The following PPP1R13B variants were observed in gnomAD, a reference collection of about 807,000 sequenced individuals.
PPP1R13B encodes protein phosphatase 1 regulatory subunit 13B.
A neutral mutation model predicts 119.8 loss-of-function variants in PPP1R13B; 44 were observed. That is an observed-to-expected ratio of 0.37 (90% CI 0.29 to 0.47). PPP1R13B has a LOEUF of 0.47. Among genes scored for constraint, PPP1R13B ranks in the 20% least tolerant of loss-of-function variants. The pLI, the probability that PPP1R13B is intolerant of heterozygous loss-of-function variation, is 0.99. For missense variants in PPP1R13B, 1,227 were observed against 1,413.5 expected (o/e 0.87, Z 2.12); for synonymous variants, 542 against 561.5 (o/e 0.97, Z 0.49).
intron 1 of PPP1R13B, among the ~76,000 whole-genome samples, chr14:103,846,305 G>A (rs2087030625): frequency 6.6e-6 from 1 of 152,212 alleles, no homozygotes; most frequent in Non-Finnish European, 1.5e-5. Flanking sequence ...CAAAGAGGAA[G>A]AAGGGGGATC....
At chr14:103,799,304 G>A (rs1040032860) in intron 1 of PPP1R13B, among the ~76,000 whole-genome samples, 38 of 152,110 alleles carry the variant, frequency 2.5e-4, no homozygotes, top group African/African-American at 5.8e-4. Flanking sequence ...TCAGCCTCCC[G>A]AGTAGCTGGG....
Position 103,798,201 on chromosome 14 carries a change from G to T in PPP1R13B, c.10-683C>A, listed in dbSNP as rs1204369436. ...GAGTCTTGCTCTGTCGCCCAGGCTGGAGTGCAGTGGCGCGATCTCGGCTCA... is the reference window on the plus strand; with the variant it reads ...GAGTCTTGCTCTGTCGCCCAGGCTGTAGTGCAGTGGCGCGATCTCGGCTCA... On this transcript the variant is annotated intron_variant, in intron 1 of 16. Coordinates refer to ENST00000202556, the MANE Select transcript of PPP1R13B (RefSeq NM_015316.3). 2.7e-5 allele frequency among the ~76,000 whole-genome samples: 4 copies of T among 145,872 alleles called. No individual in the cohort carries two copies. The East Asian group carries it at 8.0e-4, about 29-fold the overall frequency.
chr14:103,818,294 G>A (rs907738674), intron 1 of PPP1R13B, among the ~76,000 whole-genome samples: 10 of 152,128 alleles, frequency 6.6e-5, no homozygotes, highest in African/African-American at 2.2e-4. Flanking sequence ...GATACCAGAA[G>A]AGCCCTTATA....
chr14:103,749,760 T>C, intron 8 of PPP1R13B, 34 bp downstream of exon 8: 2 of 1,599,244 alleles, frequency 1.3e-6, no homozygotes, highest in South Asian at 1.1e-5. Flanking sequence ...AAACTATCTT[T>C]AGTAGTTTAT....
At chr14:103,799,280 G>A (rs372676863) in intron 1 of PPP1R13B, among the ~76,000 whole-genome samples, 9 of 152,122 alleles carry the variant, frequency 5.9e-5, no homozygotes, top group East Asian at 1.9e-4. Flanking sequence ...TTGGGTTCAC[G>A]CCATTCTCCT....
chr14:103,736,520 TAA>T, intron 15 of PPP1R13B: 2 of 410,844 alleles, frequency 4.9e-6, no homozygotes, highest in Admixed American at 7.6e-5. Context: ...AACAGATTTC[TAA>T]AGTCACTAGC....
rs769258558 is a variant in PPP1R13B, at chr14:103,738,953, G to A, written c.2663C>T (p.Pro888Leu). ...AGACGCGTCTAGGAGCAGTGCCAGG[G>A]GGTTAAACCGGACTCTCAGCCCGTG... Reference protein sequence around the residue: ...TGHGLRVRFNPLALLLDASLE... With the variant: ...TGHGLRVRFNLLALLLDASLE... Residue 888 changes from proline (P) to leucine (L), a missense_variant, in exon 13 of 17, where the codon CCC becomes CTC. By Grantham distance (98) the Pro-to-Leu change is moderately conservative (BLOSUM62 -3). Coordinates refer to ENST00000202556, the MANE Select transcript of PPP1R13B (RefSeq NM_015316.3). The surrounding 1 kb of genome is among the most constrained non-coding windows in gnomAD (Gnocchi z 5.6). The A allele has an allele frequency of 6.2e-7, 1 of 1,614,088 alleles. No homozygotes were observed. Among genetic ancestry groups the A allele is most frequent in the Non-Finnish European group, 8.5e-7 (1 of 1,180,020 alleles).
upstream of PPP1R13B, chr14:103,847,672 T>C: frequency 1.0e-6 from 1 of 955,792 alleles, no homozygotes; most frequent in Non-Finnish European, 1.2e-6. Flanking sequence ...ATTGGCCCGG[T>C]GGGAGCGGGG....
chr14:103,830,028 T>C (rs2086633792), intron 1 of PPP1R13B, among the ~76,000 whole-genome samples: 1 of 152,032 alleles, frequency 6.6e-6, no homozygotes, highest in African/African-American at 2.4e-5. Context: ...CCACCCACCT[T>C]GGCCTCCCAA....
intron 2 of PPP1R13B, among the ~76,000 whole-genome samples, chr14:103,796,304 T>G (rs2085756313): frequency 6.6e-6 from 1 of 151,580 alleles, no homozygotes; most frequent in Admixed American, 6.6e-5. Context: ...AATAAATAAA[T>G]AGGCAAAGGA....
rs192940065 is a variant in PPP1R13B, at chr14:103,766,032, G to A, written c.355-8281C>T. On this transcript the variant is annotated intron_variant, in intron 4 of 16. Coordinates refer to ENST00000202556, the MANE Select transcript of PPP1R13B (RefSeq NM_015316.3). ...ATTATTATTATTATTATTTTGAGAC[G>A]GAGTCTAGCTCTGTCGCCCAGGCTT... 6.1e-3 allele frequency among the ~76,000 whole-genome samples: 732 copies of A among 120,344 alleles called. 4 individuals are homozygous for A. The highest frequency in any genetic ancestry group is 0.023 in the African/African-American group (698 of 30,252). 79.0% of individuals were successfully genotyped at this position (120,344 alleles called of 152,430 possible).
intron 1 of PPP1R13B, among the ~76,000 whole-genome samples, chr14:103,831,751 C>T (rs1391419749): frequency 2.0e-5 from 3 of 151,918 alleles, no homozygotes; most frequent in African/African-American, 7.2e-5. Flanking sequence ...ACCTGGCCAA[C>T]ATGGTGAAAC....
chr14:103,793,991 T>TC (rs2085692462), intron 2 of PPP1R13B, among the ~76,000 whole-genome samples: 1 of 152,144 alleles, frequency 6.6e-6, no homozygotes, highest in African/African-American at 2.4e-5. Context: ...ATGACTAGTG[T>TC]CCTTACAAGA....
In PPP1R13B at chr14:103,753,193, G is replaced by A; in HGVS notation, c.635C>T (p.Ala212Val). Reference sequence around the variant, plus strand: ...CATGGCACTGAACCTTTCTATTTCAGCAGCTATAATTGACCACACAAGAAA... The same window carrying A: ...CATGGCACTGAACCTTTCTATTTCAACAGCTATAATTGACCACACAAGAAA... ...YSKIMNGNLS[A>V]EIERFSAMFQ... The change falls in exon 7 of 17, where the codon GCT (alanine) becomes GTT (valine). Residue 212 changes from alanine to valine, a missense_variant. Transcript: ENST00000202556. The A allele has an allele frequency of 6.2e-7, 1 of 1,609,620 alleles. No homozygotes were observed. Among genetic ancestry groups the A allele is most frequent in the Non-Finnish European group, 8.5e-7 (1 of 1,178,858 alleles).
In PPP1R13B at chr14:103,738,865, T is replaced by G. The variant is rs763672868; in HGVS notation, c.2730+21A>C. 1 of 1,613,110 alleles carries G rather than the reference T, an allele frequency of 6.2e-7. No homozygotes were observed. On this transcript the variant is annotated intron_variant, in intron 13 of 16. Coordinates refer to ENST00000202556, the MANE Select transcript of PPP1R13B (RefSeq NM_015316.3). The surrounding 1 kb of genome is among the most constrained non-coding windows in gnomAD (Gnocchi z 5.6). ...TCCCCTCGCCCCCAGCAGCGTGCAC[T>G]GGTCCCCGGCTGCAGCTCACCTCAT...
Position 103,733,724 on chromosome 14 carries a change from C to T in PPP1R13B, c.*1430G>A, listed in dbSNP as rs1351091165. ...CTGAACCCTCGTGCCACAGCGCAGT[C>T]TGGGTCCAGAAAGAAGACTCACAGC... On this transcript the variant is annotated 3_prime_UTR_variant, in exon 17 of 17. Coordinates refer to ENST00000202556, the MANE Select transcript of PPP1R13B (RefSeq NM_015316.3). 5 of 152,500 alleles carry T rather than the reference C, an allele frequency of 3.3e-5. No individual in the cohort carries two copies. Among genetic ancestry groups the T allele is most frequent in the Non-Finnish European group, 5.9e-5 (4 of 68,104 alleles). 9.4% of individuals were successfully genotyped at this position (152,500 alleles called of 1,614,324 possible).
intron 1 of PPP1R13B, among the ~76,000 whole-genome samples, chr14:103,818,853 A>C (rs2086338216): frequency 6.6e-6 from 1 of 152,228 alleles, no homozygotes; most frequent in African/African-American, 2.4e-5. Flanking sequence ...GAGACTAAAT[A>C]AATAGGCAAA....
At chr14:103,836,976 A>G (rs1160959629) in intron 1 of PPP1R13B, among the ~76,000 whole-genome samples, 1 of 152,198 alleles carries the variant, frequency 6.6e-6, no homozygotes, top group Non-Finnish European at 1.5e-5. Context: ...TTATTTACTG[A>G]TACTATTTTC....
intron 4 of PPP1R13B, among the ~76,000 whole-genome samples, chr14:103,765,122 C>A (rs2084909523): frequency 1.3e-5 from 2 of 152,316 alleles, no homozygotes; most frequent in South Asian, 4.1e-4. Flanking sequence ...CCGGCCAACA[C>A]AGCTGTTCTA....
Sources: gnomAD v4.1 joint callset for allele counts (sites outside exome capture counted in the v4.1 genomes callset) on GRCh38, gnomAD v4.1.1 for gene constraint, Gnocchi (gnomAD v3.1) non-coding constraint, MANE v1.5 for transcripts, NCBI Gene and HGNC (gene_info 2026-07-23, HGNC 2026-07-21) for gene names.